Variants in DZIP3 observed in about 807,000 individuals in gnomAD.
DZIP3 encodes the protein DAZ interacting zinc finger protein 3.
DZIP3 carries 118 observed loss-of-function variants against 162.0 expected under a neutral mutation model. The observed-to-expected ratio is 0.73, with a 90% confidence interval of 0.63 to 0.85. The LOEUF is 0.85. Among genes scored for constraint, DZIP3 ranks in the 40% least tolerant of loss-of-function variants. The pLI, the probability that DZIP3 is intolerant of heterozygous loss-of-function variation, is 0.00. For missense variants in DZIP3, 1,331 were observed against 1,407.0 expected (o/e 0.95, Z 0.86); for synonymous variants, 438 against 458.6 (o/e 0.96, Z 0.57).
At chr3:108,629,037 A>G (rs370949846) in intron 7 of DZIP3, 25 bp from the exon 8 acceptor site, 7 of 1,472,484 alleles carry the variant, frequency 4.8e-6, no homozygotes, top group Non-Finnish European at 6.5e-6. Flanking sequence ...CGTTCAAACT[A>G]ACCTTATTTT....
intron 15 of DZIP3, 94 bp downstream of exon 15, chr3:108,646,743 A>G: frequency 2.0e-6 from 2 of 985,224 alleles, no homozygotes; most frequent in East Asian, 5.5e-5. Flanking sequence ...ATGATAAACT[A>G]TAATTGTGAA....
chr3:108,622,838 C>CTGTCTCTG (rs1225996087), intron 5 of DZIP3, among the ~76,000 whole-genome samples: 3 of 14,238 alleles, frequency 2.1e-4, no homozygotes, highest in Non-Finnish European at 3.5e-4. Context: ...CAAACAGAGT[C>CTGTCTCTG]TCTCTCTCTC....
chr3:108,647,898 A>G, intron 15 of DZIP3, 45 bp from the exon 16 acceptor site: 1 of 1,420,826 alleles, frequency 7.0e-7, no homozygotes, highest in Non-Finnish European at 9.3e-7. Context: ...AAGAAGCTGA[A>G]ATTGCTTTCA....
At chr3:108,665,443 G>GA (rs1175517062) in intron 21 of DZIP3, among the ~76,000 whole-genome samples, 2 of 151,786 alleles carry the variant, frequency 1.3e-5, no homozygotes, top group African/African-American at 2.4e-5. Flanking sequence ...TAGACTGGGA[G>GA]AAAAAAATTA....
chr3:108,604,595 A>G (rs1225138801), intron 1 of DZIP3, among the ~76,000 whole-genome samples: 1 of 152,188 alleles, frequency 6.6e-6, no homozygotes, highest in Admixed American at 6.5e-5. Flanking sequence ...TCTTTCAGGA[A>G]GTATCCACAA....
rs557400669 is a variant in DZIP3 at position 108,627,157 on chromosome 3, A to C, written c.581+1188A>C. Among the ~76,000 whole-genome samples, 5 of 152,370 alleles carry C rather than the reference A, an allele frequency of 3.3e-5. No homozygotes were observed. The East Asian group carries it at 9.6e-4, about 29-fold the overall frequency. On this transcript the variant is annotated intron_variant, in intron 7 of 32. Coordinates refer to ENST00000361582, the MANE Select transcript of DZIP3 (RefSeq NM_014648.4). ...AAATCCCTTCAGTCTATACTGTGAC[A>C]AAGTAAGAGAATTAACATAGCCTGA... is the stretch of plus-strand genomic sequence containing the variant.
rs762973537 is a variant in DZIP3, at chr3:108,675,877, A to T, written c.2781+4A>T. 1.2e-5 allele frequency: 20 copies of T among 1,606,536 alleles called. No individual in the cohort carries two copies. The highest frequency in any genetic ancestry group is 1.5e-5 in the Non-Finnish European group (18 of 1,176,346). Reference sequence around the variant, plus strand: ...AAACAAGATTGCATTCCTCAGGGTAAGTCCTGAAGTATATTTGGAGAAAAT... The same window carrying T: ...AAACAAGATTGCATTCCTCAGGGTATGTCCTGAAGTATATTTGGAGAAAAT... On this transcript the variant is annotated splice_donor_region_variant and intron_variant, in intron 25 of 32. Transcript: ENST00000361582.
At chr3:108,632,639 A>G (rs1941942190) in intron 8 of DZIP3, among the ~76,000 whole-genome samples, 1 of 152,144 alleles carries the variant, frequency 6.6e-6, no homozygotes, top group Non-Finnish European at 1.5e-5. Flanking sequence ...AATTCTTGAT[A>G]GGAATATGCC....
rs531139745 is a variant in DZIP3 at position 108,589,723 on chromosome 3, C to G, written c.-189C>G. On this transcript the variant is annotated 5_prime_UTR_variant, in exon 1 of 33. Transcript: ENST00000361582. Reference sequence around the variant, plus strand: ...CGGTTAGGAGAAGGGGGATTCCTCACTCAGCTGTGCGCTCTGATTTCGTGC... The same window carrying G: ...CGGTTAGGAGAAGGGGGATTCCTCAGTCAGCTGTGCGCTCTGATTTCGTGC... 44 of 199,116 alleles carry G rather than the reference C, an allele frequency of 2.2e-4. No individual in the cohort carries two copies. Among genetic ancestry groups the G allele is most frequent in the East Asian group, 2.1e-3 (14 of 6,808 alleles). 12.3% of individuals were successfully genotyped at this position (199,116 alleles called of 1,614,324 possible).
At chr3:108,592,355 G>A (rs537590281) in intron 1 of DZIP3, among the ~76,000 whole-genome samples, 1 of 152,256 alleles carries the variant, frequency 6.6e-6, no homozygotes, top group Non-Finnish European at 1.5e-5. Flanking sequence ...TTTTTAGGTT[G>A]GATGAATGAG....
chr3:108,620,408 A>C (rs1160248846), intron 5 of DZIP3, among the ~76,000 whole-genome samples: 1 of 152,178 alleles, frequency 6.6e-6, no homozygotes, highest in Admixed American at 6.5e-5. Flanking sequence ...CCAAAATTCA[A>C]GTTCCCAGAC....
chr3:108,668,302 T>C (rs1238356903), intron 21 of DZIP3, among the ~76,000 whole-genome samples: 1 of 152,096 alleles, frequency 6.6e-6, no homozygotes, highest in East Asian at 1.9e-4. Context: ...CTTGAGAACT[T>C]TAGATTTTTT....
intron 5 of DZIP3, among the ~76,000 whole-genome samples, chr3:108,620,519 C>T (rs1941276589): frequency 1.3e-5 from 2 of 152,160 alleles, no homozygotes; most frequent in Non-Finnish European, 1.5e-5. Flanking sequence ...AGTTCTGTGC[C>T]ATTTTATCAA....
In DZIP3 at chr3:108,616,530, A is replaced by G; in HGVS notation, c.259-11A>G. On this transcript the variant is annotated splice_polypyrimidine_tract_variant and intron_variant, in intron 4 of 32. Transcript: ENST00000361582. ...ACTTATAGACATTTTTAACTGAATAATTTTCCACAGAGAGAAGTTGCAGCT... is the reference window on the plus strand; with the variant it reads ...ACTTATAGACATTTTTAACTGAATAGTTTTCCACAGAGAGAAGTTGCAGCT... 6.3e-7 allele frequency: 1 copy of G among 1,582,858 alleles called. No homozygotes were observed. Among genetic ancestry groups the G allele is most frequent in the Admixed American group, 1.7e-5 (1 of 58,120 alleles).
intron 19 of DZIP3, among the ~76,000 whole-genome samples, chr3:108,658,852 A>C (rs1221095790): frequency 1.3e-5 from 2 of 152,230 alleles, no homozygotes; most frequent in African/African-American, 4.8e-5. Flanking sequence ...ATCAGAGAAT[A>C]CTATAAACAC....
At position 108,616,684 on chromosome 3, in the gene DZIP3, A is replaced by G. The variant is rs1363761967; in HGVS notation, c.375+27A>G. On this transcript the variant is annotated intron_variant, in intron 5 of 32. Transcript: ENST00000361582. ...TAAGTGTTTTCTTTTTGGAAATTTG[A>G]TATAATGGACTTGGTCAACATTTCT... 2.7e-6 allele frequency: 4 copies of G among 1,479,164 alleles called. No individual in the cohort carries two copies. The African/African-American group carries it at 4.3e-5, about 16-fold the overall frequency. The allele number at this position is 1,479,164 out of a possible 1,614,324, so 91.6% of individuals were successfully genotyped here.
intron 21 of DZIP3, among the ~76,000 whole-genome samples, chr3:108,669,049 C>T (rs1457633426): frequency 1.3e-5 from 2 of 151,792 alleles, no homozygotes; most frequent in African/African-American, 2.4e-5. Context: ...AAAGTATATG[C>T]GTTTCTCTTA....
intron 10 of DZIP3, among the ~76,000 whole-genome samples, chr3:108,635,217 T>C (rs1274911558): frequency 2.0e-5 from 3 of 151,986 alleles, no homozygotes; most frequent in African/African-American, 7.2e-5. Context: ...CACTACTAGT[T>C]AGTTGGTTTG....
At chr3:108,688,161 T>C (rs1944560924) in intron 29 of DZIP3, 65 bp downstream of exon 29, 2 of 1,576,122 alleles carry the variant, frequency 1.3e-6, no homozygotes, top group Non-Finnish European at 1.7e-6. Flanking sequence ...GTTAACTGTT[T>C]TAAATATCTC....
Sources: gnomAD v4.1 joint callset for allele counts (sites outside exome capture counted in the v4.1 genomes callset) on GRCh38, gnomAD v4.1.1 for gene constraint, MANE v1.5 for transcripts, NCBI Gene and HGNC (gene_info 2026-07-23, HGNC 2026-07-21) for gene names.